TMEM176A: variants seen among roughly 807,000 people sequenced by gnomAD.
TMEM176A encodes hepatocellular carcinoma-associated antigen 112.
TMEM176A carries 20 observed loss-of-function variants against 27.9 expected under a neutral mutation model. The observed-to-expected ratio is 0.72, with a 90% CI of 0.50 to 1.04. TMEM176A has a LOEUF of 1.04. TMEM176A is among the 50% of genes least tolerant of loss of function. The probability of loss-of-function intolerance (pLI) is 0.00; values close to 1 mark genes in which losing one functional copy is unlikely to be tolerated. For synonymous variants in TMEM176A, 125 were observed against 118.0 expected (o/e 1.06, Z -0.38); for missense variants, 252 against 289.1 (o/e 0.87, Z 0.93).
In TMEM176A at chr7:150,802,084, C is replaced by A. The variant is rs1029489157; in HGVS notation, c.175-131C>A. On this transcript the variant is annotated intron_variant, in intron 2 of 6. Transcript: ENST00000004103. ...CTCCTCTTTCTTCTCCTTTTCTCTT[C>A]TCTTCTCTTCTCTTCTCTTCTTTCT... 7 of 658,002 alleles carry A rather than the reference C, an allele frequency of 1.1e-5. No homozygotes were observed. In the African/African-American group the frequency reaches 1.3e-4, roughly 12 times the overall value. The allele number at this position is 658,002 out of a possible 1,614,324, so 40.8% of individuals were successfully genotyped here.
chr7:150,802,718 C>A, intron 3 of TMEM176A: 1 of 1,040,246 alleles, frequency 9.6e-7, no homozygotes, highest in Non-Finnish European at 1.2e-6. Flanking sequence ...TCCACAGGCC[C>A]TGTACACAAT....
rs762269663 is a variant in TMEM176A at position 150,804,394 on chromosome 7, G to C, written c.588G>C (p.Leu196Phe). The C allele has an allele frequency of 6.8e-6, 11 of 1,614,040 alleles. No homozygotes were observed. The highest frequency in any genetic ancestry group is 9.3e-6 in the Non-Finnish European group (11 of 1,180,038). ...ALFRTLQAML[L>F]GVWILLLLAS... ...TCAGAACCCTTCAGGCCATGCTCTT[G>C]GGTGTCTGGATTCTGCTGCTTCTGG... is the stretch of plus-strand genomic sequence containing the variant. Residue 196 changes from leucine (L) to phenylalanine (F), a missense_variant, in exon 6 of 7, where the codon TTG becomes TTC. Leu to Phe is a conservative substitution (Grantham distance 22, BLOSUM62 0). Coordinates refer to ENST00000004103, the MANE Select transcript of TMEM176A (RefSeq NM_018487.3).
At chr7:150,804,282 C>T (rs1291579780) in intron 5 of TMEM176A, 80 bp from the exon 6 acceptor site, 4 of 1,175,246 alleles carry the variant, frequency 3.4e-6, no homozygotes, top group African/African-American at 1.5e-5. Flanking sequence ...GAGATTTTCC[C>T]AGGTCAATAA....
chr7:150,802,315 CA>C lies in TMEM176A; in HGVS notation c.276del (p.Ala94LeufsTer24), dbSNP rs1584758928. ...GTCACCTCGGGAGCTGCCATCTGGA[CA>C]GGGGCTGTGGTGAGTAGAGCAGGAC... ...LLVTSGAAIW[T>X]GAVAVLAGAA... On this transcript the variant is annotated frameshift_variant, in exon 3 of 7. Coordinates refer to ENST00000004103, the MANE Select transcript of TMEM176A (RefSeq NM_018487.3). LOFTEE classifies it high-confidence loss of function. 6.2e-7 allele frequency: 1 copy of C among 1,614,062 alleles called. No homozygotes were observed. Among genetic ancestry groups the C allele is most frequent in the Non-Finnish European group, 8.5e-7 (1 of 1,179,980 alleles).
rs1445648816 is a variant in TMEM176A at position 150,804,489 on chromosome 7, T to C, written c.666+17T>C. ...ACCAAAGGGGTGAGTCCCTAAGGTG[T>C]GTGCCTGTGTATTTGGGGCAGTGGA... On this transcript the variant is annotated intron_variant, in intron 6 of 6. Coordinates refer to ENST00000004103, the MANE Select transcript of TMEM176A (RefSeq NM_018487.3). The C allele has an allele frequency of 1.2e-5, 19 of 1,596,868 alleles. No individual in the cohort carries two copies. Among genetic ancestry groups the C allele is most frequent in the Non-Finnish European group, 1.5e-5 (17 of 1,164,632 alleles).
At position 150,804,894 on chromosome 7, in the gene TMEM176A, C is replaced by T. The variant is rs762355313; in HGVS notation, c.*26C>T. The T allele has an allele frequency of 1.1e-5, 18 of 1,613,148 alleles. No homozygotes were observed. Among genetic ancestry groups the T allele is most frequent in the Non-Finnish European group, 1.4e-5 (17 of 1,179,198 alleles). On this transcript the variant is annotated 3_prime_UTR_variant, in exon 7 of 7. Transcript: ENST00000004103. Reference sequence around the variant, plus strand: ...CCATGCCTCTCCTGATTATTAGTGCCTGGTGCTTCTGCACCGGGCGTCCCT... The same window carrying T: ...CCATGCCTCTCCTGATTATTAGTGCTTGGTGCTTCTGCACCGGGCGTCCCT...
intron 5 of TMEM176A, 135 bp downstream of exon 5, chr7:150,803,967 C>T: frequency 1.3e-6 from 1 of 768,394 alleles, no homozygotes. Flanking sequence ...TCACCAAAGA[C>T]AAAGCATCAG....
chr7:150,803,519 G>A, intron 4 of TMEM176A, 63 bp downstream of exon 4: 1 of 1,577,496 alleles, frequency 6.3e-7, no homozygotes, highest in Non-Finnish European at 8.6e-7. Flanking sequence ...CCAATCTCCT[G>A]CCCTGTTGCA....
intron 1 of TMEM176A, 142 bp downstream of exon 1, chr7:150,800,970 T>G: frequency 1.0e-6 from 1 of 985,874 alleles, no homozygotes; most frequent in Non-Finnish European, 1.2e-6. Flanking sequence ...GGAAGCCAGG[T>G]GCGGCCCCGG....
intron 6 of TMEM176A, 91 bp from the exon 7 acceptor site, chr7:150,804,736 T>C: frequency 3.0e-6 from 4 of 1,331,508 alleles, no homozygotes; most frequent in Non-Finnish European, 4.3e-6. Flanking sequence ...TGCTGCTGAT[T>C]CTGGTAGCTC....
At chr7:150,802,154 G>A (rs1798819072) in intron 2 of TMEM176A, 61 bp from the exon 3 acceptor site, 2 of 1,386,894 alleles carry the variant, frequency 1.4e-6, no homozygotes, top group African/African-American at 1.4e-5. Context: ...GGTTTTAGCG[G>A]TTAATCCCTG....
At chr7:150,803,130 G>A in intron 3 of TMEM176A, 3 of 1,166,016 alleles carry the variant, frequency 2.6e-6, no homozygotes, top group Non-Finnish European at 3.2e-6. Context: ...ACTTGGTGTT[G>A]TTTAAAAAGG....
rs763761336 is a variant in TMEM176A, at chr7:150,804,897, G to T, written c.*29G>T. 6 of 1,613,336 alleles carry T rather than the reference G, an allele frequency of 3.7e-6. No individual in the cohort carries two copies. The South Asian group carries it at 6.6e-5, about 18-fold the overall frequency. On this transcript the variant is annotated 3_prime_UTR_variant, in exon 7 of 7. Coordinates refer to ENST00000004103, the MANE Select transcript of TMEM176A (RefSeq NM_018487.3). ...TGCCTCTCCTGATTATTAGTGCCTG[G>T]TGCTTCTGCACCGGGCGTCCCTGCA...
At position 150,803,609 on chromosome 7, in the gene TMEM176A, TC is replaced by T; in HGVS notation, c.343-8del. 6.2e-7 allele frequency: 1 copy of T among 1,613,200 alleles called. No homozygotes were observed. Reference sequence around the variant, plus strand: ...AACACAAAGATTTCTCTCTGCCTCCTCCCTCCCCAGGCCCTGCTGAGGACTC... The same window carrying T: ...AACACAAAGATTTCTCTCTGCCTCCTCCTCCCCAGGCCCTGCTGAGGACTC... On this transcript the variant is annotated splice_polypyrimidine_tract_variant and intron_variant, in intron 4 of 6. Coordinates refer to ENST00000004103, the MANE Select transcript of TMEM176A (RefSeq NM_018487.3).
rs200232307 is a variant in TMEM176A, at chr7:150,802,272, C to T, written c.232C>T (p.Arg78Cys). Residue 78 changes from arginine (R) to cysteine (C), a missense_variant, in exon 3 of 7, where the codon CGC becomes TGC. Coordinates refer to ENST00000004103, the MANE Select transcript of TMEM176A (RefSeq NM_018487.3). ...SAVLGGFFYI[R>C]DYTLLVTSGA... is the part of the protein sequence containing the mutation. ...AGTCCTAGGAGGATTTTTCTACATC[C>T]GCGACTACACCCTCCTCGTCACCTC... is the stretch of plus-strand genomic sequence containing the variant. 5.1e-5 allele frequency: 82 copies of T among 1,613,422 alleles called. No individual in the cohort carries two copies. Among genetic ancestry groups the T allele is most frequent in the Middle Eastern group, 1.6e-4 (1 of 6,084 alleles).
rs144087116 is a variant in TMEM176A at position 150,802,105 on chromosome 7, T to TCTTCTCTTCTCTTCTCTTCTC, written c.175-110_175-109insCTTCTCTTCTCTTCTCTTCTC. ...TCTTCTCTTCTCTTCTCTTCTCTTC[T>TCTTCTCTTCTCTTCTCTTCTC]TTCTTTCTCTCTCTCTCTACCTCTC... On this transcript the variant is annotated intron_variant, in intron 2 of 6. Transcript: ENST00000004103. 4.0e-4 allele frequency: 295 copies of TCTTCTCTTCTCTTCTCTTCTC among 746,164 alleles called. No homozygotes were observed. In the African/African-American group the frequency reaches 4.8e-3, roughly 12 times the overall value. 46.2% of individuals were successfully genotyped at this position (746,164 alleles called of 1,614,324 possible). A position where few individuals can be genotyped will look rare whatever the true frequency, so the allele number is the denominator to read the frequency against.
intron 3 of TMEM176A, chr7:150,802,564 TC>T: frequency 1.4e-6 from 1 of 733,248 alleles, no homozygotes; most frequent in Non-Finnish European, 2.0e-6. Flanking sequence ...TGGCTGCCTC[TC>T]CCTGCCTTCA....
In TMEM176A at chr7:150,801,592, A is replaced by G. The variant is rs774626411; in HGVS notation, c.42A>G (p.Pro14=). 5.0e-6 allele frequency: 8 copies of G among 1,612,616 alleles called. No individual in the cohort carries two copies. In the Admixed American group the frequency reaches 6.7e-5, roughly 14 times the overall value. ...GTGATGAGATGGCCCCGGAGGCCCC[A>G]CAGCACACCCACATCGATGTGCACA... ...ADSDEMAPEA[P]QHTHIDVHIH... The change falls in exon 2 of 7, where the codon CCA becomes CCG. Residue 14 remains proline, a synonymous_variant. Coordinates refer to ENST00000004103, the MANE Select transcript of TMEM176A (RefSeq NM_018487.3).
chr7:150,803,223 C>T, intron 3 of TMEM176A, 177 bp from the exon 4 acceptor site: 1 of 1,349,150 alleles, frequency 7.4e-7, no homozygotes, highest in Non-Finnish European at 9.5e-7. Context: ...TTTGCAGCCT[C>T]AGGAGTTGGA....
Sources: allele counts gnomAD v4.1 joint callset, GRCh38; gene constraint gnomAD v4.1.1; transcripts MANE v1.5; gene names NCBI Gene and HGNC (gene_info 2026-07-23, HGNC 2026-07-21).